The following PATJ variants were observed in gnomAD, a reference collection of about 807,000 sequenced individuals.
PATJ encodes inaD-like protein.
Under a neutral mutation model 224.9 loss-of-function variants are expected in PATJ, and 190 were observed. The observed-to-expected ratio is 0.84, with a 90% CI of 0.75 to 0.95. The LOEUF is 0.95. Ranked by LOEUF, PATJ falls within the 40% of genes least tolerant of loss-of-function variation. The pLI is 0.00. For synonymous variants in PATJ, 769 were observed against 820.3 expected, an observed-to-expected ratio of 0.94 and a Z score of 1.07; for missense variants, 2,121 against 2,270.3, an observed-to-expected ratio of 0.93 and a Z score of 1.34.
rs187296068 is a variant in PATJ at position 61,940,598 on chromosome 1, C to G, written c.3670+12769C>G. Among the ~76,000 whole-genome samples the G allele has an allele frequency of 8.3e-4, 126 of 151,948 alleles. 1 individual carries two copies. Among genetic ancestry groups the G allele is most frequent in the Admixed American group, 2.4e-3 (37 of 15,258 alleles). On this transcript the variant is annotated intron_variant, in intron 27 of 43. Transcript: ENST00000642238. ...GGGTGTGGTGGCACGCACCTGTAGT[C>G]CCAGCTACTCGGGAGGCTGAGGCTG... is the stretch of plus-strand genomic sequence containing the variant.
chr1:62,137,274 G>A (rs1358317846), intron 41 of PATJ, among the ~76,000 whole-genome samples: 1 of 150,718 alleles, frequency 6.6e-6, no homozygotes, highest in African/African-American at 2.4e-5. Flanking sequence ...AAAACAGTGG[G>A]GAAGGTGGCA....
intron 33 of PATJ, among the ~76,000 whole-genome samples, chr1:62,087,366 G>C (rs1274477740): frequency 6.6e-6 from 1 of 151,958 alleles, no homozygotes; most frequent in Non-Finnish European, 1.5e-5. Context: ...TGAGATCTTT[G>C]TAGGCATAGG....
intron 41 of PATJ, among the ~76,000 whole-genome samples, chr1:62,136,587 T>C (rs760399621): frequency 3.3e-5 from 5 of 151,170 alleles, no homozygotes; most frequent in Non-Finnish European, 5.9e-5. Context: ...GTTTTCAACA[T>C]GTGTGCACCC....
chr1:61,846,744 G>A (rs1015427710), intron 17 of PATJ, among the ~76,000 whole-genome samples: 7 of 152,090 alleles, frequency 4.6e-5, no homozygotes, highest in South Asian at 2.1e-4. Context: ...TTACAGGTGC[G>A]CACCACCAAG....
intron 30 of PATJ, among the ~76,000 whole-genome samples, chr1:62,048,173 A>G (rs4915794): frequency 0.11 from 17,255 of 152,264 alleles, 1,330 homozygotes; most frequent in South Asian, 0.22. Flanking sequence ...TAGGAAGACT[A>G]TATGAGATAG....
chr1:61,805,040 C>A (rs1268686212), intron 12 of PATJ, among the ~76,000 whole-genome samples: 1 of 152,158 alleles, frequency 6.6e-6, no homozygotes, highest in African/African-American at 2.4e-5. Context: ...TGGAATGGAA[C>A]TACTTTGAAG....
At chr1:62,104,226 G>A (rs1662596347) in intron 33 of PATJ, among the ~76,000 whole-genome samples, 1 of 152,004 alleles carries the variant, frequency 6.6e-6, no homozygotes. Context: ...CCAATGATGA[G>A]ATAAGCATCA....
At position 61,770,884 on chromosome 1, in the gene PATJ, T is replaced by C. The variant is rs530621179; in HGVS notation, c.525-547T>C. 2.7e-5 allele frequency among the ~76,000 whole-genome samples: 4 copies of C among 146,714 alleles called. No individual in the cohort carries two copies. The South Asian group carries it at 8.7e-4, about 32-fold the overall frequency. ...GTGATTGTGCCATTGTACTCCAGCC[T>C]GGGCAAATAGGAGTGAGACCATGCC... On this transcript the variant is annotated intron_variant, in intron 5 of 43. Coordinates refer to ENST00000642238, the MANE Select transcript of PATJ (RefSeq NM_001350145.3).
intron 33 of PATJ, among the ~76,000 whole-genome samples, chr1:62,089,792 A>G (rs1402561229): frequency 6.6e-6 from 1 of 152,272 alleles, no homozygotes; most frequent in Admixed American, 6.5e-5. Flanking sequence ...GCAAACAAAG[A>G]TGAGAGCATA....
intron 17 of PATJ, among the ~76,000 whole-genome samples, chr1:61,841,906 G>A (rs946670815): frequency 2.0e-5 from 3 of 152,122 alleles, no homozygotes; most frequent in Non-Finnish European, 4.4e-5. Context: ...CAGAGGATTT[G>A]CTTCCTTTCC....
intron 25 of PATJ, among the ~76,000 whole-genome samples, chr1:61,912,662 AAGGG>A (rs1295881136): frequency 9.2e-5 from 10 of 108,608 alleles, no homozygotes; most frequent in East Asian, 6.8e-4. Context: ...GGAGGGAAGG[AAGGG>A]AGGGAGGGAG....
chr1:62,034,421 C>A (rs1445448963), intron 29 of PATJ, among the ~76,000 whole-genome samples: 2 of 121,322 alleles, frequency 1.6e-5, no homozygotes, highest in South Asian at 5.5e-4. Flanking sequence ...CCAGCCTGGG[C>A]GAGAGAGAGA....
At chr1:62,115,761 T>C (rs770386077) in intron 35 of PATJ, among the ~76,000 whole-genome samples, 2 of 151,648 alleles carry the variant, frequency 1.3e-5, no homozygotes, top group Non-Finnish European at 2.9e-5. Flanking sequence ...CACAGACCTC[T>C]GGTGACTAGC....
At position 61,927,804 on chromosome 1, in the gene PATJ, T is replaced by C. The variant is rs1675438264; in HGVS notation, c.3645T>C (p.Asn1215=). The C allele has an allele frequency of 3.1e-6, 5 of 1,613,244 alleles. No individual in the cohort carries two copies. The highest frequency in any genetic ancestry group is 4.2e-6 in the Non-Finnish European group (5 of 1,179,528). The change falls in exon 27 of 44, where the codon AAT becomes AAC. Residue 1215 remains asparagine, a synonymous_variant. Transcript: ENST00000642238. ...YKALTDDSDE[N]EEEDAFTDQK... ...CTCTGACTGATGACAGTGATGAAAA[T>C]GAAGAAGAAGATGCCTTTACCGACC...
intron 41 of PATJ, among the ~76,000 whole-genome samples, chr1:62,130,710 G>A (rs550755414): frequency 6.6e-6 from 1 of 151,962 alleles, no homozygotes; most frequent in Non-Finnish European, 1.5e-5. Flanking sequence ...AATTAGCCGG[G>A]CATGGTGGCG....
At chr1:61,846,162 G>A (rs1258102175) in intron 17 of PATJ, 1 of 152,082 alleles carries the variant, frequency 6.6e-6, no homozygotes, top group African/African-American at 2.4e-5. Context: ...AATTATGATG[G>A]AAAAGAAGTT....
At chr1:62,120,061 AT>A (rs1226343362) in intron 37 of PATJ, among the ~76,000 whole-genome samples, 1 of 152,208 alleles carries the variant, frequency 6.6e-6, no homozygotes, top group Non-Finnish European at 1.5e-5. Context: ...TTATAGTACC[AT>A]TTACTTAAAT....
intron 27 of PATJ, among the ~76,000 whole-genome samples, chr1:61,947,597 C>G (rs1471068719): frequency 1.3e-5 from 2 of 152,172 alleles, no homozygotes; most frequent in African/African-American, 4.8e-5. Context: ...ATTCCATGCT[C>G]ATGGATAGGG....
At chr1:61,955,363 G>A (rs1243976818) in intron 27 of PATJ, among the ~76,000 whole-genome samples, 1 of 152,144 alleles carries the variant, frequency 6.6e-6, no homozygotes, top group African/African-American at 2.4e-5. Flanking sequence ...ATATATAGGT[G>A]CAGAGACACA....
Sources: gnomAD v4.1 joint callset for allele counts (sites outside exome capture counted in the v4.1 genomes callset) on GRCh38, gnomAD v4.1.1 for gene constraint, MANE v1.5 for transcripts, NCBI Gene and HGNC (gene_info 2026-07-23, HGNC 2026-07-21) for gene names.